SLC5A9: variants seen among roughly 807,000 people sequenced by gnomAD.
The protein encoded by SLC5A9 is solute carrier family 5 member 9, also known as sodium/glucose cotransporter 4.
A neutral mutation model predicts 70.9 loss-of-function variants in SLC5A9; 59 were observed. That is an observed-to-expected ratio of 0.83 (90% CI 0.68 to 1.03). SLC5A9 has a LOEUF of 1.03. SLC5A9 is among the 50% of genes least tolerant of loss of function. The probability of loss-of-function intolerance (pLI) is 0.00; values close to 1 mark genes in which losing one functional copy is unlikely to be tolerated. For synonymous variants in SLC5A9, 340 were observed against 346.5 expected (o/e 0.98, Z 0.21); for missense variants, 832 against 881.1 (o/e 0.94, Z 0.71).
At chr1:48,240,144 A>T (rs759974826) in intron 12 of SLC5A9, among the ~76,000 whole-genome samples, 19 of 152,226 alleles carry the variant, frequency 1.2e-4, no homozygotes, top group Non-Finnish European at 2.2e-4. Context: ...CTTAAGCAAC[A>T]GAATGTATGA....
At chr1:48,227,591 CTG>C (rs757142532) in intron 2 of SLC5A9, among the ~76,000 whole-genome samples, 6 of 133,310 alleles carry the variant, frequency 4.5e-5, no homozygotes, top group South Asian at 2.5e-4. Flanking sequence ...TGTACTGTGC[CTG>C]TGTGTGTGAT....
intron 13 of SLC5A9, among the ~76,000 whole-genome samples, chr1:48,245,066 T>C (rs1441679547): frequency 1.4e-5 from 2 of 145,754 alleles, no homozygotes; most frequent in African/African-American, 2.5e-5. Flanking sequence ...CTCTTCCTTT[T>C]CCTGAGACTT....
intron 5 of SLC5A9, among the ~76,000 whole-genome samples, chr1:48,230,927 G>A (rs1356394088): frequency 6.6e-6 from 1 of 152,128 alleles, no homozygotes; most frequent in East Asian, 1.9e-4. Flanking sequence ...GAGACCAGGG[G>A]GATAAAAAGG....
Position 48,232,373 on chromosome 1 carries a change from G to A in SLC5A9, c.904G>A (p.Val302Met). Residue 302 changes from valine to methionine, a missense_variant, in exon 8 of 14, where the codon GTG (valine) becomes ATG (methionine). Coordinates refer to ENST00000438567, the MANE Select transcript of SLC5A9 (RefSeq NM_001011547.3). ...TWCWCTDQVI[V>M]QRSLSAKSLS... The stretch of plus-strand genomic sequence containing the variant: ...TCATTTGCTGCCCTTTCAGGTCATT[G>A]TGCAGCGGTCTCTCTCGGCCAAGAG... The A allele has an allele frequency of 1.9e-6, 3 of 1,614,086 alleles. No homozygotes were observed. The East Asian group carries it at 6.7e-5, about 36-fold the overall frequency.
rs1430212532 is a variant in SLC5A9, at chr1:48,228,885, T to C, written c.270T>C (p.Ser90=). 3.1e-6 allele frequency: 5 copies of C among 1,613,830 alleles called. No individual in the cohort carries two copies. The Admixed American group carries it at 8.3e-5, about 27-fold the overall frequency. The change falls in exon 3 of 14, where the codon AGT becomes AGC. Residue 90 remains serine, a synonymous_variant. Coordinates refer to ENST00000438567, the MANE Select transcript of SLC5A9 (RefSeq NM_001011547.3). The stretch of plus-strand genomic sequence containing the variant: ...CTCTGATGTCCAGCAATGTGGGCAG[T>C]GGCTTGTTCATCGGCCTGGCTGGGA... ...GASLMSSNVG[S]GLFIGLAGTG...
chr1:48,233,619 G>A, intron 8 of SLC5A9, 36 bp from the exon 9 acceptor site: 2 of 1,553,630 alleles, frequency 1.3e-6, no homozygotes. Flanking sequence ...GAAGGCACGA[G>A]ATCACGGACT....
At chr1:48,242,166 A>G (rs705430) in intron 12 of SLC5A9, 466,297 of 478,320 alleles carry the variant, frequency 0.97, 227,412 homozygotes, top group East Asian at 1. Flanking sequence ...GTCCAGCCTC[A>G]TTTGCCTCAG....
At position 48,222,957 on chromosome 1, in the gene SLC5A9, G is replaced by A; in HGVS notation, c.162+59G>A. Reference sequence around the variant, plus strand: ...AGGTAGTAGTGGTCTCTCAGCTTGGGTGGGGCTGTGGAGCTGGGGCAGGGC... The same window carrying A: ...AGGTAGTAGTGGTCTCTCAGCTTGGATGGGGCTGTGGAGCTGGGGCAGGGC... On this transcript the variant is annotated intron_variant, in intron 1 of 13. Coordinates refer to ENST00000438567, the MANE Select transcript of SLC5A9 (RefSeq NM_001011547.3). 7 of 1,579,630 alleles carry A rather than the reference G, an allele frequency of 4.4e-6. No homozygotes were observed. In the East Asian group the frequency reaches 6.8e-5, roughly 15 times the overall value.
At chr1:48,244,876 G>GTA (rs1553132196) in intron 13 of SLC5A9, among the ~76,000 whole-genome samples, 1 of 11,494 alleles carries the variant, frequency 8.7e-5, no homozygotes, top group African/African-American at 2.2e-4. Context: ...GTATGTGTAT[G>GTA]TGTATATATA....
intron 13 of SLC5A9, 37 bp downstream of exon 13, chr1:48,242,653 G>A: frequency 6.4e-7 from 1 of 1,564,742 alleles, no homozygotes; most frequent in Non-Finnish European, 8.7e-7. Context: ...TCATCACAGA[G>A]GAACAGGGGG....
rs57262835 is a variant in SLC5A9 at position 48,230,640 on chromosome 1, T to C, written c.545T>C (p.Leu182Ser). 1.8e-3 allele frequency: 2,852 copies of C among 1,614,066 alleles called. 40 individuals are homozygous for C. The African/African-American group carries it at 0.033, about 19-fold the overall frequency. Residue 182 changes from leucine (L) to serine (S), a missense_variant, in exon 5 of 14, where the codon TTG (leucine) becomes TCG (serine). Leu to Ser is a moderately radical substitution (Grantham distance 145). Transcript: ENST00000438567. The part of the protein sequence containing the change: ...FSGALFIQMA[L>S]GWNLYLSTGI... Reference sequence around the variant, plus strand: ...GGAGCCCTCTTCATCCAGATGGCATTGGGCTGGAACCTGTACCTCTCCACA... The same window carrying C: ...GGAGCCCTCTTCATCCAGATGGCATCGGGCTGGAACCTGTACCTCTCCACA...
At chr1:48,228,770 C>T in intron 2 of SLC5A9, 80 bp from the exon 3 acceptor site, 1 of 1,583,830 alleles carries the variant, frequency 6.3e-7, no homozygotes. Flanking sequence ...AATATCAGCT[C>T]CTCACTACTC....
chr1:48,239,468 C>T lies in SLC5A9; in HGVS notation c.1608C>T (p.Leu536=). The T allele has an allele frequency of 6.2e-7, 1 of 1,614,220 alleles. No individual in the cohort carries two copies. The highest frequency in any genetic ancestry group is 8.5e-7 in the Non-Finnish European group (1 of 1,180,044). The change falls in exon 12 of 14, where the codon CTC becomes CTT. Residue 536 remains leucine, a synonymous_variant. Transcript: ENST00000438567. The surrounding 1 kb of genome is among the most constrained non-coding windows in gnomAD (Gnocchi z 4.2). ...TCCACTACCTGTACTTTGCAATCCT[C>T]CTCTGCGGGCTCACTGCCATCGTCA... ...KDFHYLYFAI[L]LCGLTAIVIV...
chr1:48,247,853 G>A lies in SLC5A9; in HGVS notation c.*310G>A, dbSNP rs142812791. ...TCCACCCTCTTCTTGAATGTATTCAGTAGCCTTTACTGAATGTGTGTCTTG... is the reference window on the plus strand; with the variant it reads ...TCCACCCTCTTCTTGAATGTATTCAATAGCCTTTACTGAATGTGTGTCTTG... On this transcript the variant is annotated 3_prime_UTR_variant, in exon 14 of 14. Transcript: ENST00000438567. 1.3e-5 allele frequency: 5 copies of A among 372,236 alleles called. No individual in the cohort carries two copies. Among genetic ancestry groups the A allele is most frequent in the African/African-American group, 2.0e-5 (1 of 49,684 alleles). The allele number at this position is 372,236 out of a possible 1,614,324, so 23.1% of individuals were successfully genotyped here. A position where few individuals can be genotyped will look rare whatever the true frequency, so the allele number is the denominator to read the frequency against.
Position 48,248,432 on chromosome 1 carries a change from A to C in SLC5A9, c.*889A>C, listed in dbSNP as rs1231822569. On this transcript the variant is annotated 3_prime_UTR_variant, in exon 14 of 14. Coordinates refer to ENST00000438567, the MANE Select transcript of SLC5A9 (RefSeq NM_001011547.3). ...ATACCTTGGAATACACTGTGACCCC[A>C]GTTAAGTGTCCCTTCGCCAGGAAGC... The C allele has an allele frequency of 2.0e-5, 3 of 152,312 alleles. No homozygotes were observed. The highest frequency in any genetic ancestry group is 4.4e-5 in the Non-Finnish European group (3 of 68,166). 9.4% of individuals were successfully genotyped at this position (152,312 alleles called of 1,614,324 possible). A position where few individuals can be genotyped will look rare whatever the true frequency, so the allele number is the denominator to read the frequency against.
chr1:48,231,782 G>C (rs547903283), intron 6 of SLC5A9, 157 bp downstream of exon 6: 1 of 1,504,204 alleles, frequency 6.6e-7, no homozygotes, highest in Non-Finnish European at 8.9e-7. Flanking sequence ...CAGGGTTCTC[G>C]CTACTTCAAA....
At chr1:48,234,310 C>A (rs1371803434) in intron 9 of SLC5A9, among the ~76,000 whole-genome samples, 1 of 152,198 alleles carries the variant, frequency 6.6e-6, no homozygotes, top group Admixed American at 6.5e-5. Flanking sequence ...AGGAAGACAA[C>A]CTTCCTGGTG....
rs1644312139 is a variant in SLC5A9 at position 48,235,390 on chromosome 1, C to A, written c.1142-339C>A. 2.0e-5 allele frequency among the ~76,000 whole-genome samples: 3 copies of A among 152,136 alleles called. 1 individual carries two copies. The highest frequency in any genetic ancestry group is 7.2e-5 in the African/African-American group (3 of 41,436). ...GTGTCTACAAGCTGTGAAACCTAGACTGAGATGTCGAAGCTTCAGAGAACC... is the reference window on the plus strand; with the variant it reads ...GTGTCTACAAGCTGTGAAACCTAGAATGAGATGTCGAAGCTTCAGAGAACC... On this transcript the variant is annotated intron_variant, in intron 9 of 13. Transcript: ENST00000438567.
intron 9 of SLC5A9, 62 bp from the exon 10 acceptor site, chr1:48,235,666 TG>T: frequency 8.1e-6 from 13 of 1,601,450 alleles, no homozygotes; most frequent in Non-Finnish European, 1.1e-5. Context: ...CAGCAGCCTC[TG>T]TAGTCCTGGA....
Sources: gnomAD v4.1 joint callset for allele counts (sites outside exome capture counted in the v4.1 genomes callset) on GRCh38, gnomAD v4.1.1 for gene constraint, Gnocchi (gnomAD v3.1) non-coding constraint, MANE v1.5 for transcripts, NCBI Gene and HGNC (gene_info 2026-07-23, HGNC 2026-07-21) for gene names.